ADGRA2: variants seen among roughly 807,000 people sequenced by gnomAD.
ADGRA2 encodes adhesion G protein-coupled receptor A2.
In ADGRA2, 61 loss-of-function variants were observed where a neutral mutation model predicts 98.7. That is an observed-to-expected ratio of 0.62 (90% CI 0.50 to 0.76). The LOEUF (loss-of-function observed/expected upper bound fraction) is 0.76, where lower values mean the gene tolerates loss of function less well. Among genes scored for constraint, ADGRA2 ranks in the 30% least tolerant of loss-of-function variants. The pLI, the probability that ADGRA2 is intolerant of heterozygous loss-of-function variation, is 0.00. For missense variants in ADGRA2, 1,712 were observed against 1,860.0 expected, an observed-to-expected ratio of 0.92 and a Z score of 1.46; for synonymous variants, 858 against 831.5, an observed-to-expected ratio of 1.03 and a Z score of -0.55.
intron 13 of ADGRA2, among the ~76,000 whole-genome samples, chr8:37,837,099 T>A (rs934832068): frequency 1.3e-5 from 2 of 152,180 alleles, no homozygotes; most frequent in Non-Finnish European, 1.5e-5. Context: ...TGAGAAGCAG[T>A]GAAGTGTTTT....
At position 37,830,998 on chromosome 8, in the gene ADGRA2, A is replaced by G; in HGVS notation, c.932+75A>G. ...CTACCCTACCCGTCACCACCCCGCA[A>G]AAGAGCTGCCCCCAGATGTGTTCCC... On this transcript the variant is annotated intron_variant, in intron 7 of 18. Coordinates refer to ENST00000412232, the MANE Select transcript of ADGRA2 (RefSeq NM_032777.10). This position sits in a 1 kb window ranked among gnomAD's most constrained non-coding sequence, Gnocchi z 4.8. 1 of 1,088,582 alleles carries G rather than the reference A, an allele frequency of 9.2e-7. No individual in the cohort carries two copies. The highest frequency in any genetic ancestry group is 1.3e-6 in the Non-Finnish European group (1 of 743,422). The allele number at this position is 1,088,582 out of a possible 1,614,324, so 67.4% of individuals were successfully genotyped here. A position where few individuals can be genotyped will look rare whatever the true frequency, so the allele number is the denominator to read the frequency against.
intron 2 of ADGRA2, among the ~76,000 whole-genome samples, chr8:37,822,626 C>A (rs150610142): frequency 1.8e-4 from 28 of 152,158 alleles, no homozygotes; most frequent in Non-Finnish European, 3.7e-4. Context: ...TCCTCCACCC[C>A]CTCTTCCCCA....
intron 2 of ADGRA2, among the ~76,000 whole-genome samples, chr8:37,826,666 G>T (rs1805292403): frequency 6.6e-6 from 1 of 152,194 alleles, no homozygotes; most frequent in South Asian, 2.1e-4. Flanking sequence ...AAGCGGGACT[G>T]TGCACAAACA....
At position 37,842,586 on chromosome 8, in the gene ADGRA2, CTGTCGG is replaced by C. The variant is rs1805841920; in HGVS notation, c.*234_*239del. Reference sequence around the variant, plus strand: ...TTCCGTCCAGCCCGGGGCAGTCTGACTGTCGGTGCCCTCCCAGGAACGGGGAAGGCC... The same window carrying C: ...TTCCGTCCAGCCCGGGGCAGTCTGACTGCCCTCCCAGGAACGGGGAAGGCC... On this transcript the variant is annotated 3_prime_UTR_variant, in exon 19 of 19. Transcript: ENST00000412232. The C allele has an allele frequency of 1.6e-6, 1 of 639,270 alleles. No individual in the cohort carries two copies. The highest frequency in any genetic ancestry group is 2.3e-6 in the Non-Finnish European group (1 of 436,702). The allele number at this position is 639,270 out of a possible 1,614,324, so 39.6% of individuals were successfully genotyped here.
rs199799909 is a variant in ADGRA2 at position 37,837,740 on chromosome 8, G to A, written c.2060G>A (p.Gly687Asp). 503 of 1,552,904 alleles carry A rather than the reference G, an allele frequency of 3.2e-4. No homozygotes were observed. The highest frequency in any genetic ancestry group is 8.6e-4 in the Admixed American group (44 of 51,334). ...CCCTCTCCCGCTGTAGGTGGCTGTG[G>A]CGTGGGAAACCTGACAGAGCCAGTG... Reference protein sequence around the residue: ...PVIFAGTSGCGVGNLTEPVAV... With the variant: ...PVIFAGTSGCDVGNLTEPVAV... The change falls in exon 14 of 19, where the codon GGC becomes GAC. Residue 687 changes from glycine to aspartate, a missense_variant. By Grantham distance (94) the Gly-to-Asp change is moderately conservative (BLOSUM62 -1). Coordinates refer to ENST00000412232, the MANE Select transcript of ADGRA2 (RefSeq NM_032777.10).
In ADGRA2 at chr8:37,835,655, G is replaced by A. The variant is rs952648473; in HGVS notation, c.1935G>A (p.Leu645=). 2.5e-6 allele frequency: 4 copies of A among 1,613,584 alleles called. No homozygotes were observed. The highest frequency in any genetic ancestry group is 3.3e-5 in the Admixed American group (2 of 60,006). The change falls in exon 13 of 19, where the codon CTG becomes CTA. Residue 645 remains leucine (L), a synonymous_variant. Coordinates refer to ENST00000412232, the MANE Select transcript of ADGRA2 (RefSeq NM_032777.10). ...TGCCCCCAGACTGCACCCTGCAACT[G>A]CTCGTCTTCCGAAATGGCCGCCTCT... ...PPVPPDCTLQ[L]LVFRNGRLFH... is the part of the protein sequence containing the mutation.
intron 2 of ADGRA2, among the ~76,000 whole-genome samples, chr8:37,826,729 C>T (rs150450042): frequency 6.6e-6 from 1 of 152,190 alleles, no homozygotes; most frequent in East Asian, 1.9e-4. Flanking sequence ...TTCCTCTCCT[C>T]CCAGCGGGCA....
intron 2 of ADGRA2, among the ~76,000 whole-genome samples, chr8:37,825,603 G>T (rs1206807402): frequency 6.6e-6 from 1 of 151,996 alleles, no homozygotes; most frequent in Admixed American, 6.6e-5. Flanking sequence ...CATAGTGATG[G>T]GTGTAGTGAG....
intron 18 of ADGRA2, 99 bp downstream of exon 18, chr8:37,840,948 C>A (rs188030934): frequency 3.8e-5 from 44 of 1,150,876 alleles, no homozygotes; most frequent in Non-Finnish European, 5.0e-5. Flanking sequence ...CAGCCATAAC[C>A]CAACCCAAGC....
At position 37,839,032 on chromosome 8, in the gene ADGRA2, T is replaced by C; in HGVS notation, c.2336T>C (p.Leu779Ser). 6.2e-7 allele frequency: 1 copy of C among 1,608,028 alleles called. No homozygotes were observed. The highest frequency in any genetic ancestry group is 8.5e-7 in the Non-Finnish European group (1 of 1,176,910). Residue 779 changes from leucine (L) to serine (S), a missense_variant, in exon 15 of 19, where the codon TTG becomes TCG. Transcript: ENST00000412232. ...LHPVVYPCTA[L>S]LLLCLFATII... Reference sequence around the variant, plus strand: ...CCCGTGGTATACCCCTGCACGGCCTTGCTGCTGCTCTGCCTCTTCGCCACC... The same window carrying C: ...CCCGTGGTATACCCCTGCACGGCCTCGCTGCTGCTCTGCCTCTTCGCCACC...
In ADGRA2 at chr8:37,833,671, C is replaced by A; in HGVS notation, c.1297-17C>A. The A allele has an allele frequency of 6.2e-7, 1 of 1,613,220 alleles. No homozygotes were observed. Among genetic ancestry groups the A allele is most frequent in the African/African-American group, 1.3e-5 (1 of 75,046 alleles). On this transcript the variant is annotated splice_polypyrimidine_tract_variant and intron_variant, in intron 9 of 18. Transcript: ENST00000412232. ...AGGAACAGGCGAGATGATCCTCTCT[C>A]TTCCCCCAATCCCCAGATGCCCATC...
At chr8:37,822,680 A>T (rs866333226) in intron 2 of ADGRA2, among the ~76,000 whole-genome samples, 21 of 152,192 alleles carry the variant, frequency 1.4e-4, no homozygotes, top group African/African-American at 4.6e-4. Context: ...TAGATCTATA[A>T]ATCTGCCTGT....
At chr8:37,839,992 T>C (rs765429630) in intron 16 of ADGRA2, 129 bp from the exon 17 acceptor site, 7 of 802,354 alleles carry the variant, frequency 8.7e-6, no homozygotes, top group Middle Eastern at 3.2e-4. Flanking sequence ...GTATGGGGAG[T>C]GGGCTGGGTA....
At position 37,837,608 on chromosome 8, in the gene ADGRA2, CTG is replaced by C. The variant is rs144716914; in HGVS notation, c.2051-120_2051-119del. ...CTCACCGCATGCCCCCAGCCCAGCA[CTG>C]TGCCCTGCCTGGCAGGTGCCTAGTA... On this transcript the variant is annotated intron_variant, in intron 13 of 18. Coordinates refer to ENST00000412232, the MANE Select transcript of ADGRA2 (RefSeq NM_032777.10). 1,272 of 809,946 alleles carry C rather than the reference CTG, an allele frequency of 1.6e-3. 29 individuals carry two copies. In the East Asian group the frequency reaches 0.032, roughly 20 times the overall value. 50.2% of individuals were successfully genotyped at this position (809,946 alleles called of 1,614,324 possible).
At position 37,843,493 on chromosome 8, in the gene ADGRA2, C is replaced by T. The variant is rs1434831092; in HGVS notation, c.*1138C>T. The T allele has an allele frequency of 1.3e-5, 2 of 152,284 alleles. No individual in the cohort carries two copies. Among genetic ancestry groups the T allele is most frequent in the Non-Finnish European group, 2.9e-5 (2 of 68,082 alleles). 9.4% of individuals were successfully genotyped at this position (152,284 alleles called of 1,614,324 possible). On this transcript the variant is annotated 3_prime_UTR_variant, in exon 19 of 19. Coordinates refer to ENST00000412232, the MANE Select transcript of ADGRA2 (RefSeq NM_032777.10). Reference sequence around the variant, plus strand: ...TGCCTTTACTCCTTTTAAACACCAGCACCCGTCTTTTCCCCAACCTAAAAC... The same window carrying T: ...TGCCTTTACTCCTTTTAAACACCAGTACCCGTCTTTTCCCCAACCTAAAAC...
chr8:37,832,131 T>TGA (rs1554525698), intron 8 of ADGRA2, among the ~76,000 whole-genome samples: 5 of 151,660 alleles, frequency 3.3e-5, no homozygotes, highest in East Asian at 1.9e-4. Flanking sequence ...TTTTTTTTTT[T>TGA]GAGAGAGAGT....
At chr8:37,838,194 C>T (rs935846116) in intron 14 of ADGRA2, among the ~76,000 whole-genome samples, 1 of 151,968 alleles carries the variant, frequency 6.6e-6, no homozygotes, top group Non-Finnish European at 1.5e-5. Flanking sequence ...CTGGAACTCC[C>T]GATGGATCTG....
At position 37,842,232 on chromosome 8, in the gene ADGRA2, C is replaced by A; in HGVS notation, c.3894C>A (p.Asn1298Lys). Residue 1298 changes from asparagine (N) to lysine (K), a missense_variant, in exon 19 of 19, where the codon AAC becomes AAA. Asn to Lys is a moderately conservative substitution (Grantham distance 94, BLOSUM62 0). Transcript: ENST00000412232. Reference sequence around the variant, plus strand: ...GCCATCGCCGCTCGTACCCGCTCAACGCCGCCAGCCTAAACGGCGCCCCCA... The same window carrying A: ...GCCATCGCCGCTCGTACCCGCTCAAAGCCGCCAGCCTAAACGGCGCCCCCA... ...KESHRRSYPL[N>K]AASLNGAPKG... 6.5e-7 allele frequency: 1 copy of A among 1,549,800 alleles called. No homozygotes were observed. The highest frequency in any genetic ancestry group is 8.7e-7 in the Non-Finnish European group (1 of 1,147,566).
chr8:37,815,315 G>T (rs976428408), intron 2 of ADGRA2, among the ~76,000 whole-genome samples: 2 of 152,234 alleles, frequency 1.3e-5, no homozygotes, highest in African/African-American at 4.8e-5. Context: ...AAAGGGCGGA[G>T]GGCAGCTTAA....
Sources: gnomAD v4.1 joint callset for allele counts (sites outside exome capture counted in the v4.1 genomes callset) on GRCh38, gnomAD v4.1.1 for gene constraint, Gnocchi (gnomAD v3.1) non-coding constraint, MANE v1.5 for transcripts, NCBI Gene and HGNC (gene_info 2026-07-23, HGNC 2026-07-21) for gene names.